ANO2: variants seen among roughly 807,000 people sequenced by gnomAD.
ANO2 encodes anoctamin-2.
ANO2 carries 101 observed loss-of-function variants against 124.2 expected under a neutral mutation model. The observed-to-expected ratio is 0.81, with a 90% CI of 0.69 to 0.96. The LOEUF (loss-of-function observed/expected upper bound fraction) is 0.96. Ranked by LOEUF, ANO2 falls within the 40% of genes least tolerant of loss-of-function variation. The probability of loss-of-function intolerance (pLI) is 0.00; values close to 1 mark genes in which losing one functional copy is unlikely to be tolerated. For synonymous variants in ANO2, 486 were observed against 482.5 expected, an observed-to-expected ratio of 1.01 and a Z score of -0.09; for missense variants, 1,293 against 1,274.5, an observed-to-expected ratio of 1.01 and a Z score of -0.22.
intron 3 of ANO2, among the ~76,000 whole-genome samples, chr12:5,879,148 A>G (rs889015695): frequency 6.6e-6 from 1 of 152,232 alleles, no homozygotes; most frequent in Non-Finnish European, 1.5e-5. Context: ...GAAAAGGGAA[A>G]GGAAGCAGAA....
At chr12:5,632,570 G>A (rs1001569987) in intron 16 of ANO2, among the ~76,000 whole-genome samples, 3 of 151,990 alleles carry the variant, frequency 2.0e-5, no homozygotes, top group African/African-American at 7.3e-5. Flanking sequence ...CAGGGTAGCC[G>A]CTTTGGTCTG....
intron 14 of ANO2, among the ~76,000 whole-genome samples, chr12:5,709,180 C>T (rs990288369): frequency 6.6e-6 from 1 of 152,218 alleles, no homozygotes; most frequent in African/African-American, 2.4e-5. Flanking sequence ...ACTAAATGTG[C>T]TGTCCCACAG....
intron 13 of ANO2, among the ~76,000 whole-genome samples, chr12:5,736,300 C>G (rs545626567): frequency 6.6e-6 from 1 of 152,260 alleles, no homozygotes; most frequent in South Asian, 2.1e-4. Context: ...TGTTCTACCC[C>G]TCCTGGGGTG....
intron 9 of ANO2, among the ~76,000 whole-genome samples, chr12:5,803,070 A>G (rs1473003463): frequency 6.6e-6 from 1 of 152,222 alleles, no homozygotes; most frequent in East Asian, 1.9e-4. Flanking sequence ...TGTGGGACTC[A>G]TGACCCTCTC....
At chr12:5,823,655 A>G (rs971223585) in intron 7 of ANO2, among the ~76,000 whole-genome samples, 1 of 152,218 alleles carries the variant, frequency 6.6e-6, no homozygotes, top group Non-Finnish European at 1.5e-5. Flanking sequence ...GCAAGCTGTC[A>G]GTGGATCTAC....
chr12:5,779,771 T>C (rs1359115799), intron 10 of ANO2, among the ~76,000 whole-genome samples: 2 of 152,208 alleles, frequency 1.3e-5, no homozygotes, highest in Non-Finnish European at 2.9e-5. Flanking sequence ...ATCATCTGAA[T>C]GCAGTCATGA....
chr12:5,780,216 T>C (rs1029569444), intron 10 of ANO2, among the ~76,000 whole-genome samples: 3 of 152,156 alleles, frequency 2.0e-5, no homozygotes, highest in Admixed American at 2.0e-4. Context: ...TTCCTATAGA[T>C]TCATATATAT....
At chr12:5,698,670 C>T (rs1365466242) in intron 14 of ANO2, among the ~76,000 whole-genome samples, 2 of 152,172 alleles carry the variant, frequency 1.3e-5, no homozygotes, top group Non-Finnish European at 2.9e-5. Flanking sequence ...GATGTTCGAA[C>T]CCGTCGCAAA....
intron 10 of ANO2, among the ~76,000 whole-genome samples, chr12:5,797,246 G>A (rs1472131894): frequency 6.6e-6 from 1 of 152,216 alleles, no homozygotes; most frequent in Non-Finnish European, 1.5e-5. Flanking sequence ...GCCCCGACAG[G>A]AGGTGGGAGG....
At chr12:5,615,998 G>A (rs1245668980) in intron 16 of ANO2, among the ~76,000 whole-genome samples, 1 of 152,034 alleles carries the variant, frequency 6.6e-6, no homozygotes. Flanking sequence ...GAGTCAGCTG[G>A]CATTCCCAGA....
At chr12:5,649,454 A>G (rs454736) in intron 14 of ANO2, among the ~76,000 whole-genome samples, 63,921 of 152,100 alleles carry the variant, frequency 0.42, 15,541 homozygotes, top group African/African-American at 0.66. Flanking sequence ...TGAAGAAATA[A>G]GAACATATGA....
intron 3 of ANO2, among the ~76,000 whole-genome samples, chr12:5,861,903 G>T (rs1167458945): frequency 5.9e-5 from 9 of 152,176 alleles, no homozygotes; most frequent in Non-Finnish European, 1.3e-4. Context: ...GGAGGAGAGT[G>T]AGGTGTAGCC....
intron 3 of ANO2, among the ~76,000 whole-genome samples, chr12:5,868,424 C>A (rs146572640): frequency 6.6e-6 from 1 of 152,068 alleles, no homozygotes; most frequent in African/African-American, 2.4e-5. Context: ...TCTGATCAAG[C>A]AGAAAAATAA....
chr12:5,806,087 A>G lies in ANO2; in HGVS notation c.955T>C (p.Tyr319His). The change falls in exon 9 of 25, where the codon TAC becomes CAC. Residue 319 changes from tyrosine to histidine, a missense_variant. Tyr to His is a moderately conservative substitution (Grantham distance 83). Coordinates refer to ENST00000682330, the MANE Select transcript of ANO2 (RefSeq NM_001364791.2). Reference protein sequence around the residue: ...EAAYPLHDGEYDSPEDDMNDR... With the variant: ...EAAYPLHDGEHDSPEDDMNDR... Reference sequence around the variant, plus strand: ...TTCATATCGTCCTCTGGACTATCGTATTCACCCTGTGGAGAAAAAGTGATG... The same window carrying G: ...TTCATATCGTCCTCTGGACTATCGTGTTCACCCTGTGGAGAAAAAGTGATG... 6.2e-7 allele frequency: 1 copy of G among 1,613,714 alleles called. No individual in the cohort carries two copies. The highest frequency in any genetic ancestry group is 8.5e-7 in the Non-Finnish European group (1 of 1,179,766).
chr12:5,579,222 G>T (rs913228978), intron 20 of ANO2, among the ~76,000 whole-genome samples: 21 of 152,338 alleles, frequency 1.4e-4, no homozygotes, highest in African/African-American at 4.6e-4. Context: ...GTTCTGGCCT[G>T]CAAGAAGCTG....
intron 3 of ANO2, among the ~76,000 whole-genome samples, chr12:5,859,970 C>T (rs907296305): frequency 3.3e-5 from 5 of 152,122 alleles, no homozygotes; most frequent in Non-Finnish European, 5.9e-5. Context: ...AGTCTGCTGA[C>T]GTCTCACTCC....
chr12:5,817,705 G>T (rs192998346), intron 7 of ANO2, among the ~76,000 whole-genome samples: 1 of 152,182 alleles, frequency 6.6e-6, no homozygotes, highest in Admixed American at 6.5e-5. Flanking sequence ...AGGAGAGAGA[G>T]AGGAGAGAAG....
intron 4 of ANO2, among the ~76,000 whole-genome samples, chr12:5,852,262 T>C (rs557792123): frequency 8.5e-5 from 13 of 152,068 alleles, no homozygotes; most frequent in Non-Finnish European, 1.2e-4. Flanking sequence ...GCTGCGGTAT[T>C]AGGAGTGAGA....
Position 5,636,605 on chromosome 12 carries a change from TACACACAC to T in ANO2, c.1621-1266_1621-1259del, listed in dbSNP as rs61059041. ...CCTGAAAAAATAAGCTGTGCTGGAC[TACACACAC>T]ACACACACACACACACACACACACA... On this transcript the variant is annotated intron_variant, in intron 15 of 24. Coordinates refer to ENST00000682330, the MANE Select transcript of ANO2 (RefSeq NM_001364791.2). The surrounding 1 kb of genome is among the most constrained non-coding windows in gnomAD (Gnocchi z 4.6). 7.5e-3 allele frequency among the ~76,000 whole-genome samples: 894 copies of T among 118,566 alleles called. 15 individuals are homozygous for T. Among genetic ancestry groups the T allele is most frequent in the Middle Eastern group, 0.038 (9 of 236 alleles). The allele number at this position is 118,566 out of a possible 152,430, so 77.8% of individuals were successfully genotyped here. A position where few individuals can be genotyped will look rare whatever the true frequency, so the allele number is the denominator to read the frequency against.
Sources: gnomAD v4.1 joint callset for allele counts (sites outside exome capture counted in the v4.1 genomes callset) on GRCh38, gnomAD v4.1.1 for gene constraint, Gnocchi (gnomAD v3.1) non-coding constraint, MANE v1.5 for transcripts, NCBI Gene and HGNC (gene_info 2026-07-23, HGNC 2026-07-21) for gene names.